SHKBP1: variants seen among roughly 807,000 people sequenced by gnomAD.
The protein encoded by SHKBP1 is SH3KBP1 binding protein 1, also known as SH3KBP1-binding protein 1.
SHKBP1 carries 71 observed loss-of-function variants against 83.9 expected under a neutral mutation model. The ratio of observed to expected loss-of-function variants is 0.85; its 90% CI spans 0.70 to 1.03. The LOEUF (loss-of-function observed/expected upper bound fraction) is 1.03. Among genes scored for constraint, SHKBP1 ranks in the 50% least tolerant of loss-of-function variants. SHKBP1 has a pLI of 0.00. For missense variants in SHKBP1, 824 were observed against 982.4 expected (o/e 0.84, Z 2.16); for synonymous variants, 371 against 398.0 (o/e 0.93, Z 0.81).
In SHKBP1 at chr19:40,588,784, C is replaced by T. The variant is rs2081332389; in HGVS notation, c.1492+5C>T. The stretch of plus-strand genomic sequence containing the variant: ...GCAGTGCTGGCAATGACATTGGTGC[C>T]TACTGGCTCCTGGCCTTCCCACCCC... On this transcript the variant is annotated splice_donor_5th_base_variant and intron_variant, in intron 14 of 17. Transcript: ENST00000291842. 3 of 1,612,362 alleles carry T rather than the reference C, an allele frequency of 1.9e-6. No individual in the cohort carries two copies. Among genetic ancestry groups the T allele is most frequent in the East Asian group, 4.5e-5 (2 of 44,880 alleles).
chr19:40,576,885 G>T lies in SHKBP1; in HGVS notation c.-15G>T. ...CCCGGAAGTGGGTGCGGGCCAGCCG[G>T]CTCGCCCGGGGGCCATGGCAGCAGC... is the stretch of plus-strand genomic sequence containing the variant. On this transcript the variant is annotated 5_prime_UTR_variant, in exon 1 of 18. Transcript: ENST00000291842. 6.9e-7 allele frequency: 1 copy of T among 1,441,514 alleles called. No homozygotes were observed. Among genetic ancestry groups the T allele is most frequent in the Non-Finnish European group, 9.1e-7 (1 of 1,093,424 alleles). The allele number at this position is 1,441,514 out of a possible 1,614,324, so 89.3% of individuals were successfully genotyped here. A position where few individuals can be genotyped will look rare whatever the true frequency, so the allele number is the denominator to read the frequency against.
chr19:40,579,649 C>G (rs556757974), intron 6 of SHKBP1, among the ~76,000 whole-genome samples: 34 of 152,096 alleles, frequency 2.2e-4, no homozygotes, highest in Non-Finnish European at 4.9e-4. Flanking sequence ...GGTGACAGAG[C>G]GAGATGCTGT....
In SHKBP1 at chr19:40,583,595, C is replaced by A. The variant is rs375091891; in HGVS notation, c.1049-6C>A. The A allele has an allele frequency of 2.1e-5, 34 of 1,609,778 alleles. No individual in the cohort carries two copies. The African/African-American group carries it at 3.6e-4, about 17-fold the overall frequency. ...AAACCCGCTCCACCCTCCCTGCCCA[C>A]CCCAGATGTGCAGAAGTTCCCCTTG... On this transcript the variant is annotated splice_region_variant and splice_polypyrimidine_tract_variant and intron_variant, in intron 11 of 17. Transcript: ENST00000291842.
rs1259053656 is a variant in SHKBP1 at position 40,576,907 on chromosome 19, C to A, written c.8C>A (p.Ala3Glu). The A allele has an allele frequency of 6.8e-7, 1 of 1,466,312 alleles. No individual in the cohort carries two copies. The highest frequency in any genetic ancestry group is 2.6e-5 in the East Asian group (1 of 39,080). 90.8% of individuals were successfully genotyped at this position (1,466,312 alleles called of 1,614,324 possible). A position where few individuals can be genotyped will look rare whatever the true frequency, so the allele number is the denominator to read the frequency against. MAAAATAAEGVPS... is the reference protein window; with the variant it reads MAEAATAAEGVPS... ...CCGGCTCGCCCGGGGGCCATGGCAG[C>A]AGCGGCTACTGCAGCCGAGGGGGTC... Residue 3 changes from alanine (A) to glutamate (E), a missense_variant, in exon 1 of 18, where the codon GCA (alanine) becomes GAA (glutamate). Transcript: ENST00000291842.
intron 6 of SHKBP1, among the ~76,000 whole-genome samples, chr19:40,579,528 GTGGTATGCA>G (rs2081249354): frequency 6.6e-6 from 1 of 152,088 alleles, no homozygotes; most frequent in African/African-American, 2.4e-5. Flanking sequence ...GCCAGGTGTG[GTGGTATGCA>G]CCTGTGGTCC....
Position 40,591,214 on chromosome 19 carries a change from C to A in SHKBP1, c.*7C>A. Reference sequence around the variant, plus strand: ...CAATGAAACTTCCTTTTGAACAACGCAGCTGCCATGATGCCTTGGGATGCC... The same window carrying A: ...CAATGAAACTTCCTTTTGAACAACGAAGCTGCCATGATGCCTTGGGATGCC... On this transcript the variant is annotated 3_prime_UTR_variant, in exon 18 of 18. Coordinates refer to ENST00000291842, the MANE Select transcript of SHKBP1 (RefSeq NM_138392.4). The A allele has an allele frequency of 6.4e-7, 1 of 1,567,424 alleles. No individual in the cohort carries two copies. Among genetic ancestry groups the A allele is most frequent in the Non-Finnish European group, 8.7e-7 (1 of 1,147,562 alleles).
At position 40,591,317 on chromosome 19, in the gene SHKBP1, A is replaced by G; in HGVS notation, c.*110A>G. ...CAGGGCCAGGGCCTCCTTGGAATAA[A>G]TGGTTATTGTTACTAGGTCCCCACC... On this transcript the variant is annotated 3_prime_UTR_variant, in exon 18 of 18. Transcript: ENST00000291842. 1 of 958,042 alleles carries G rather than the reference A, an allele frequency of 1.0e-6. No individual in the cohort carries two copies. The highest frequency in any genetic ancestry group is 1.5e-6 in the Non-Finnish European group (1 of 663,878). 59.3% of individuals were successfully genotyped at this position (958,042 alleles called of 1,614,324 possible).
chr19:40,583,951 C>A (rs931066030), intron 12 of SHKBP1, among the ~76,000 whole-genome samples: 1 of 152,098 alleles, frequency 6.6e-6, no homozygotes, highest in Non-Finnish European at 1.5e-5. Flanking sequence ...AGCGATTCTC[C>A]TGCCTCAGCC....
Position 40,577,196 on chromosome 19 carries a change from T to G in SHKBP1, c.87-35T>G, listed in dbSNP as rs780687106. 7 of 1,611,544 alleles carry G rather than the reference T, an allele frequency of 4.3e-6. No individual in the cohort carries two copies. In the African/African-American group the frequency reaches 8.0e-5, roughly 18 times the overall value. On this transcript the variant is annotated intron_variant, in intron 1 of 17. Coordinates refer to ENST00000291842, the MANE Select transcript of SHKBP1 (RefSeq NM_138392.4). ...GGGACGCATTCCTCACCCGCTCCTC[T>G]TCATCTCTTGCGTCCGTTTACCTTC...
intron 12 of SHKBP1, among the ~76,000 whole-genome samples, chr19:40,584,489 A>G (rs189729149): frequency 2.0e-5 from 3 of 152,358 alleles, no homozygotes; most frequent in African/African-American, 7.2e-5. Flanking sequence ...GGATTTTAGT[A>G]TATTCACAAG....
chr19:40,580,500 CG>C lies in SHKBP1; in HGVS notation c.562+16del. On this transcript the variant is annotated intron_variant, in intron 7 of 17. Coordinates refer to ENST00000291842, the MANE Select transcript of SHKBP1 (RefSeq NM_138392.4). ...CTCACCCTCAGGTACGTTTCTATCTCGTGGAAGGTTGGGGCAGCTGTGGGGT... is the reference window on the plus strand; with the variant it reads ...CTCACCCTCAGGTACGTTTCTATCTCTGGAAGGTTGGGGCAGCTGTGGGGT... The C allele has an allele frequency of 6.2e-7, 1 of 1,613,536 alleles. No homozygotes were observed. The highest frequency in any genetic ancestry group is 1.3e-5 in the African/African-American group (1 of 75,044).
At chr19:40,577,897 C>G (rs2081232289) in intron 4 of SHKBP1, 1 of 606,208 alleles carries the variant, frequency 1.6e-6, no homozygotes, top group African/African-American at 1.9e-5. Flanking sequence ...ACAGGCAAAA[C>G]TTCATGAGAA....
rs1446257416 is a variant in SHKBP1, at chr19:40,578,435, C to T, written c.320-27C>T. 1.9e-6 allele frequency: 3 copies of T among 1,613,240 alleles called. No homozygotes were observed. In the African/African-American group the frequency reaches 4.0e-5, roughly 22 times the overall value. ...GGGTGGCCTCAGCATCTCCCTAAGT[C>T]CCAGCCTTTAAGTCCTCCTGTTGCA... is the stretch of plus-strand genomic sequence containing the variant. On this transcript the variant is annotated intron_variant, in intron 5 of 17. Transcript: ENST00000291842.
Position 40,589,190 on chromosome 19 carries a change from C to T in SHKBP1, c.1589+12C>T. 1.7e-6 allele frequency: 1 copy of T among 587,088 alleles called. No individual in the cohort carries two copies. The highest frequency in any genetic ancestry group is 2.2e-6 in the Non-Finnish European group (1 of 456,406). 36.4% of individuals were successfully genotyped at this position (587,088 alleles called of 1,614,324 possible). Reference sequence around the variant, plus strand: ...TCTACTGGGCAGCGGTGAGGACAGTCCTGTCCAACAGGGAGGGAGGACAGT... The same window carrying T: ...TCTACTGGGCAGCGGTGAGGACAGTTCTGTCCAACAGGGAGGGAGGACAGT... On this transcript the variant is annotated intron_variant, in intron 15 of 17. Transcript: ENST00000291842.
At chr19:40,578,101 C>T (rs767232634) in intron 4 of SHKBP1, 53 bp from the exon 5 acceptor site, 1 of 1,464,428 alleles carries the variant, frequency 6.8e-7, no homozygotes, top group Admixed American at 1.7e-5. Flanking sequence ...TCTCAGCATT[C>T]TCTGTTCACC....
chr19:40,580,270 G>A (rs1169840387), intron 6 of SHKBP1, 54 bp from the exon 7 acceptor site: 2 of 1,573,836 alleles, frequency 1.3e-6, no homozygotes, highest in Non-Finnish European at 1.7e-6. Context: ...AGTGCTTGCT[G>A]TGTGACAGCC....
chr19:40,581,493 C>T (rs938418478), intron 9 of SHKBP1, among the ~76,000 whole-genome samples: 2 of 148,424 alleles, frequency 1.3e-5, no homozygotes, highest in African/African-American at 2.5e-5. Flanking sequence ...CCAGCCTGAG[C>T]GACAGAGTGG....
intron 1 of SHKBP1, 99 bp from the exon 2 acceptor site, chr19:40,577,132 G>A (rs912058125): frequency 1.1e-5 from 16 of 1,484,334 alleles, no homozygotes; most frequent in Non-Finnish European, 1.5e-5. Context: ...AAACGCCGGG[G>A]GAGGGGGAAG....
intron 12 of SHKBP1, chr19:40,585,636 C>G (rs896106743): frequency 6.6e-6 from 1 of 151,340 alleles, no homozygotes; most frequent in African/African-American, 2.4e-5. Flanking sequence ...CAACCTCTGC[C>G]TCCTGGGTTC....
Sources: gnomAD v4.1 joint callset for allele counts (sites outside exome capture counted in the v4.1 genomes callset) on GRCh38, gnomAD v4.1.1 for gene constraint, MANE v1.5 for transcripts, NCBI Gene and HGNC (gene_info 2026-07-23, HGNC 2026-07-21) for gene names.